The following PADI1 variants were observed in gnomAD, a reference collection of about 807,000 sequenced individuals.
PADI1 encodes the protein protein-arginine deiminase type-1.
In PADI1, 65 loss-of-function variants were observed where a neutral mutation model predicts 74.8. The ratio of observed to expected loss-of-function variants is 0.87; its 90% CI spans 0.71 to 1.07. The LOEUF (loss-of-function observed/expected upper bound fraction) is 1.07, where lower values mean the gene tolerates loss of function less well. PADI1 is among the 50% of genes least tolerant of loss of function. The probability of loss-of-function intolerance (pLI) is 0.00; values close to 1 mark genes in which losing one functional copy is unlikely to be tolerated. For missense variants in PADI1, 943 were observed against 854.0 expected (o/e 1.10, Z -1.30); for synonymous variants, 371 against 336.2 (o/e 1.10, Z -1.13).
chr1:17,214,308 T>TG (rs1265491615), intron 1 of PADI1, among the ~76,000 whole-genome samples: 7 of 152,098 alleles, frequency 4.6e-5, no homozygotes, highest in Middle Eastern at 6.3e-3. Context: ...GCATTTGAAG[T>TG]GGGTCTTGAA....
rs781193457 is a variant in PADI1 at position 17,237,381 on chromosome 1, G to T, written c.1381G>T (p.Val461Leu). 46 of 1,613,702 alleles carry T rather than the reference G, an allele frequency of 2.9e-5. No homozygotes were observed. Among genetic ancestry groups the T allele is most frequent in the Middle Eastern group, 1.6e-4 (1 of 6,078 alleles). The change falls in exon 12 of 16, where the codon GTG (valine) becomes TTG (leucine). Residue 461 changes from valine (V) to leucine (L), a missense_variant. By Grantham distance (32) the Val-to-Leu change is conservative. Transcript: ENST00000375471. ...FLKAQQVQAP[V>L]ELYSDWLSVG... ...GAAGGCACAGCAGGTGCAGGCACCC[G>T]TGGAGCTCTACTCGGACTGGCTCTC...
rs930151017 is a variant in PADI1 at position 17,228,956 on chromosome 1, C to G, written c.834C>G (p.Pro278=). ...SVSLVDPGTL[P]EVTLFTDTVG... The stretch of plus-strand genomic sequence containing the variant: ...CCTCATTTTCCCCTCAGACCCTGCC[C>G]GAGGTGACCCTCTTCACAGACACTG... Residue 278 remains proline (P), a synonymous_variant, in exon 8 of 16, where the codon CCC becomes CCG. Transcript: ENST00000375471. 1.9e-6 allele frequency: 3 copies of G among 1,597,370 alleles called. No individual in the cohort carries two copies. The highest frequency in any genetic ancestry group is 2.6e-6 in the Non-Finnish European group (3 of 1,170,608).
chr1:17,224,280 G>T, intron 3 of PADI1, 87 bp from the exon 4 acceptor site: 1 of 1,094,854 alleles, frequency 9.1e-7, no homozygotes, highest in Non-Finnish European at 1.4e-6. Context: ...GGCTTGGGGA[G>T]GGGTCAGAGT....
intron 6 of PADI1, among the ~76,000 whole-genome samples, chr1:17,226,772 G>A (rs553516968): frequency 1.1e-4 from 16 of 152,174 alleles, no homozygotes; most frequent in Admixed American, 5.2e-4. Flanking sequence ...AAATTAGGCC[G>A]GGCACGGTGG....
intron 11 of PADI1, among the ~76,000 whole-genome samples, chr1:17,235,156 G>A (rs1453926354): frequency 6.9e-6 from 1 of 144,530 alleles, no homozygotes; most frequent in Non-Finnish European, 1.5e-5. Context: ...AGGGAGGGAG[G>A]GAGGGAGGAA....
intron 11 of PADI1, among the ~76,000 whole-genome samples, chr1:17,236,525 T>TG (rs756902425): frequency 3.0e-4 from 45 of 152,102 alleles, no homozygotes; most frequent in Non-Finnish European, 4.6e-4. Context: ...GAGGCCGAGG[T>TG]GGGGGGGTCG....
chr1:17,208,762 C>T (rs1242560865), intron 1 of PADI1, among the ~76,000 whole-genome samples: 2 of 152,216 alleles, frequency 1.3e-5, no homozygotes, highest in Non-Finnish European at 2.9e-5. Flanking sequence ...GTTCAGGTGG[C>T]TCATGCCAAT....
intron 1 of PADI1, among the ~76,000 whole-genome samples, chr1:17,207,068 C>G (rs533067620): frequency 1.3e-5 from 2 of 152,100 alleles, no homozygotes; most frequent in African/African-American, 4.8e-5. Flanking sequence ...CCTTGCAGGC[C>G]CCCTTCTTCT....
At chr1:17,206,677 CTTTTTCTTT>C (rs762649030) in intron 1 of PADI1, among the ~76,000 whole-genome samples, 2 of 120,222 alleles carry the variant, frequency 1.7e-5, no homozygotes, top group Non-Finnish European at 1.7e-5. Flanking sequence ...TCTTTTTTTT[CTTTTTCTTT>C]TTTTTTTTTT....
chr1:17,238,483 G>A, intron 12 of PADI1, 133 bp from the exon 13 acceptor site: 2 of 424,948 alleles, frequency 4.7e-6, no homozygotes, highest in South Asian at 8.7e-5. Context: ...ACAGTGCTTT[G>A]TGGCTGGGGT....
intron 1 of PADI1, among the ~76,000 whole-genome samples, chr1:17,216,114 A>T (rs1287649291): frequency 6.6e-6 from 1 of 152,122 alleles, no homozygotes; most frequent in Non-Finnish European, 1.5e-5. Context: ...GAACGGCAGG[A>T]ACAAGCAAGA....
intron 6 of PADI1, among the ~76,000 whole-genome samples, chr1:17,226,562 G>A (rs984761160): frequency 2.6e-5 from 4 of 152,176 alleles, no homozygotes; most frequent in Non-Finnish European, 4.4e-5. Context: ...TGAGGCCCGG[G>A]CCCTGCCTCT....
intron 11 of PADI1, among the ~76,000 whole-genome samples, chr1:17,234,094 T>C (rs1391308063): frequency 6.6e-6 from 1 of 152,244 alleles, no homozygotes; most frequent in African/African-American, 2.4e-5. Flanking sequence ...TGGAATCAGA[T>C]GGACTTGGGT....
At chr1:17,229,082 A>G (rs974325080) in intron 8 of PADI1, 31 bp downstream of exon 8, 10 of 1,366,076 alleles carry the variant, frequency 7.3e-6, no homozygotes, top group South Asian at 1.2e-5. Context: ...CCCTCCCCCA[A>G]GTCTGGAGTG....
intron 1 of PADI1, among the ~76,000 whole-genome samples, chr1:17,213,851 G>A (rs975479901): frequency 5.3e-5 from 8 of 152,292 alleles, no homozygotes; most frequent in Admixed American, 3.9e-4. Context: ...CCCGCCCTCC[G>A]CGTCTCCTTT....
chr1:17,236,667 T>C (rs772322213), intron 11 of PADI1, among the ~76,000 whole-genome samples: 10 of 151,738 alleles, frequency 6.6e-5, no homozygotes, highest in Non-Finnish European at 1.3e-4. Flanking sequence ...GGTGGGAGGA[T>C]CACTTGAGCA....
At chr1:17,214,722 C>T (rs1046855718) in intron 1 of PADI1, among the ~76,000 whole-genome samples, 10 of 152,286 alleles carry the variant, frequency 6.6e-5, no homozygotes, top group African/African-American at 2.2e-4. Context: ...CACAAGCTCC[C>T]ACTCCTGCCT....
rs183009303 is a variant in PADI1, at chr1:17,244,385, C to A, written c.*142C>A. 2.8e-6 allele frequency: 2 copies of A among 719,138 alleles called. No individual in the cohort carries two copies. The highest frequency in any genetic ancestry group is 2.5e-6 in the Non-Finnish European group (1 of 396,992). The allele number at this position is 719,138 out of a possible 1,614,324, so 44.5% of individuals were successfully genotyped here. A position where few individuals can be genotyped will look rare whatever the true frequency, so the allele number is the denominator to read the frequency against. On this transcript the variant is annotated 3_prime_UTR_variant, in exon 16 of 16. Coordinates refer to ENST00000375471, the MANE Select transcript of PADI1 (RefSeq NM_013358.3). ...ATCCTGGCCACCATGGGCACCAGGA[C>A]ACAGGGATGGATACCACCTACCCTC...
At chr1:17,206,384 G>A (rs4244377) in intron 1 of PADI1, among the ~76,000 whole-genome samples, 57,163 of 151,988 alleles carry the variant, frequency 0.38, 12,988 homozygotes, top group African/African-American at 0.64. Context: ...CTGTGACCCC[G>A]GTGGCAGGGC....
Sources: gnomAD v4.1 joint callset for allele counts (sites outside exome capture counted in the v4.1 genomes callset) on GRCh38, gnomAD v4.1.1 for gene constraint, MANE v1.5 for transcripts, NCBI Gene and HGNC (gene_info 2026-07-23, HGNC 2026-07-21) for gene names.